The following HDAC7 variants were observed in gnomAD, a reference collection of about 807,000 sequenced individuals.
The protein encoded by HDAC7 is histone deacetylase 7, also known as histone deacetylase 7A.
HDAC7 carries 26 observed loss-of-function variants against 115.5 expected under a neutral mutation model. The ratio of observed to expected loss-of-function variants is 0.23; its 90% CI spans 0.16 to 0.31. HDAC7 has a LOEUF of 0.31. Ranked by LOEUF, HDAC7 falls within the 10% of genes least tolerant of loss-of-function variation. The probability of loss-of-function intolerance (pLI) is 1.00; values close to 1 mark genes in which losing one functional copy is unlikely to be tolerated. For synonymous variants in HDAC7, 564 were observed against 550.9 expected, an observed-to-expected ratio of 1.02 and a Z score of -0.33; for missense variants, 1,068 against 1,329.0, an observed-to-expected ratio of 0.80 and a Z score of 3.05.
chr12:47,801,777 AG>A (rs1372968955), intron 2 of HDAC7, among the ~76,000 whole-genome samples: 1 of 152,176 alleles, frequency 6.6e-6, no homozygotes, highest in Non-Finnish European at 1.5e-5. Flanking sequence ...GGGCCAGCAG[AG>A]GGAGGAGGCG....
intron 1 of HDAC7, among the ~76,000 whole-genome samples, chr12:47,805,216 T>C (rs1423835068): frequency 6.6e-6 from 1 of 151,852 alleles, no homozygotes; most frequent in Non-Finnish European, 1.5e-5. Context: ...GACTACAGTA[T>C]GCACCACGAT....
At chr12:47,796,961 G>A in intron 7 of HDAC7, 56 bp downstream of exon 7, 2 of 1,499,820 alleles carry the variant, frequency 1.3e-6, no homozygotes, top group Non-Finnish European at 1.8e-6. Context: ...TGACCCAAAG[G>A]GACAAGACCA....
rs1175698828 is a variant in HDAC7, at chr12:47,786,519, C to T, written c.2572+66G>A. 1.5e-5 allele frequency: 17 copies of T among 1,137,044 alleles called. No homozygotes were observed. In the East Asian group the frequency reaches 3.8e-4, roughly 25 times the overall value. 70.4% of individuals were successfully genotyped at this position (1,137,044 alleles called of 1,614,324 possible). ...ACCTTCCCTTTCTGACTTGGGAGTG[C>T]CTCCCAACTCCCCGCACCGCCTGGC... is the stretch of plus-strand genomic sequence containing the variant. On this transcript the variant is annotated intron_variant, in intron 22 of 25. Transcript: ENST00000080059.
chr12:47,784,802 C>G, intron 24 of HDAC7: 1 of 1,534,566 alleles, frequency 6.5e-7, no homozygotes, highest in Non-Finnish European at 8.7e-7. Context: ...AGGGCACCCA[C>G]CGTAAGAGGA....
rs373121556 is a variant in HDAC7 at position 47,797,855 on chromosome 12, GGTGTGTGTGTGTGTGTGT to G, written c.461+235_461+252del. ...TCATGTGCAAGAAAAAAGCCAGTAG[GGTGTGTGTGTGTGTGTGT>G]GTGTGTGTGTGTGTGTGTGTGTGAG... On this transcript the variant is annotated intron_variant, in intron 5 of 25. Transcript: ENST00000080059. The surrounding 1 kb of genome is among the most constrained non-coding windows in gnomAD (Gnocchi z 5.5). Among the ~76,000 whole-genome samples the G allele has an allele frequency of 4.0e-5, 5 of 123,876 alleles. No homozygotes were observed. The highest frequency in any genetic ancestry group is 2.2e-4 in the East Asian group (1 of 4,572). 81.3% of individuals were successfully genotyped at this position (123,876 alleles called of 152,430 possible).
chr12:47,785,655 C>A, intron 23 of HDAC7, 97 bp downstream of exon 23: 1 of 1,469,090 alleles, frequency 6.8e-7, no homozygotes, highest in East Asian at 2.5e-5. Context: ...TGGCCACTCC[C>A]ACCCTGTCCC....
rs1943587610 is a variant in HDAC7 at position 47,792,560 on chromosome 12, G to A, written c.1679-556C>T. The A allele has an allele frequency of 6.8e-6, 3 of 441,276 alleles. 1 individual carries two copies. In the Admixed American group the frequency reaches 7.3e-5, roughly 11 times the overall value. The allele number at this position is 441,276 out of a possible 1,614,324, so 27.3% of individuals were successfully genotyped here. On this transcript the variant is annotated intron_variant, in intron 13 of 25. Transcript: ENST00000080059. ...GACCCGTGGGAAGTCTTCAGAGGAG[G>A]GTCCTGCTCATTGCGGGTGGGAGGG...
rs917450474 is a variant in HDAC7 at position 47,797,265 on chromosome 12, T to C, written c.577+119A>G. The C allele has an allele frequency of 1.7e-5, 26 of 1,555,852 alleles. No individual in the cohort carries two copies. Among genetic ancestry groups the C allele is most frequent in the Non-Finnish European group, 2.2e-5 (25 of 1,138,088 alleles). The stretch of plus-strand genomic sequence containing the variant: ...GAAGGCAGAACTAGAAAGAAGATCC[T>C]AGCCTACCGATGATCTCCTGGCCCA... On this transcript the variant is annotated intron_variant, in intron 6 of 25. Transcript: ENST00000080059. The surrounding 1 kb of genome is among the most constrained non-coding windows in gnomAD (Gnocchi z 5.5).
upstream of HDAC7, among the ~76,000 whole-genome samples, chr12:47,820,153 C>T (rs1341937370): frequency 1.3e-5 from 2 of 151,078 alleles, no homozygotes; most frequent in East Asian, 3.9e-4. This position sits in a 1 kb window ranked among gnomAD's most constrained non-coding sequence, Gnocchi z 4.3. Context: ...GCGCCGAACC[C>T]GGAACGCCGG....
intron 16 of HDAC7, 109 bp from the exon 17 acceptor site, chr12:47,790,029 G>C (rs1592638918): frequency 2.6e-6 from 2 of 774,218 alleles, no homozygotes; most frequent in East Asian, 5.1e-5. Flanking sequence ...CAGGGAGCTG[G>C]GCAGACAGTG....
intron 2 of HDAC7, chr12:47,799,248 C>T (rs1944046843): frequency 2.5e-6 from 1 of 397,786 alleles, no homozygotes; most frequent in Non-Finnish European, 4.4e-6. Context: ...AGTGCTCCTC[C>T]ACTAAACATG....
intron 21 of HDAC7, 131 bp from the exon 22 acceptor site, chr12:47,786,834 T>C (rs1322494057): frequency 2.9e-6 from 2 of 681,630 alleles, no homozygotes; most frequent in East Asian, 2.8e-5. Context: ...ACTGGCAGAT[T>C]TCTCTGACCT....
chr12:47,797,893 T>TGTGTGTGTGTGTGTGA lies in HDAC7; in HGVS notation c.461+214_461+215insTCACACACACACACAC, dbSNP rs1555141430. On this transcript the variant is annotated intron_variant, in intron 5 of 25. Transcript: ENST00000080059. The surrounding 1 kb of genome is among the most constrained non-coding windows in gnomAD (Gnocchi z 5.5). Reference sequence around the variant, plus strand: ...GTGTGTGTGTGTGTGTGTGTGTGTGTGTGAGAAGGGCTCAGGTGGGGTGGG... The same window carrying TGTGTGTGTGTGTGTGA: ...GTGTGTGTGTGTGTGTGTGTGTGTGTGTGTGTGTGTGTGTGAGTGAGAAGGGCTCAGGTGGGGTGGG... Among the ~76,000 whole-genome samples the TGTGTGTGTGTGTGTGA allele has an allele frequency of 6.9e-6, 1 of 144,524 alleles. No homozygotes were observed. The highest frequency in any genetic ancestry group is 1.5e-5 in the Non-Finnish European group (1 of 67,154). 94.8% of individuals were successfully genotyped at this position (144,524 alleles called of 152,430 possible).
At chr12:47,786,089 TG>T in intron 22 of HDAC7, 1 of 559,536 alleles carries the variant, frequency 1.8e-6, no homozygotes. Flanking sequence ...TTAAGGGCCT[TG>T]GGAAAGGCCC....
Position 47,803,565 on chromosome 12 carries a change from C to T in HDAC7, c.20-1291G>A, listed in dbSNP as rs1944264139. On this transcript the variant is annotated intron_variant, in intron 1 of 25. Coordinates refer to ENST00000080059, the MANE Select transcript of HDAC7 (RefSeq NM_015401.5). The surrounding 1 kb of genome is among the most constrained non-coding windows in gnomAD (Gnocchi z 4.0). ...CTGAGGTCCAGCCCAAGTCCATCTC[C>T]TTGGGAGGCTCTCCCTGACCTCTCC... Among the ~76,000 whole-genome samples, 1 of 152,154 alleles carries T rather than the reference C, an allele frequency of 6.6e-6. No individual in the cohort carries two copies.
intron 1 of HDAC7, among the ~76,000 whole-genome samples, chr12:47,809,208 G>T (rs1944542444): frequency 1.3e-5 from 2 of 152,080 alleles, no homozygotes; most frequent in South Asian, 4.1e-4. Flanking sequence ...CCCCTCTGAG[G>T]TGTCACACTC....
At chr12:47,811,745 A>AG (rs1219484117) in intron 1 of HDAC7, among the ~76,000 whole-genome samples, 1 of 152,218 alleles carries the variant, frequency 6.6e-6, no homozygotes, top group Non-Finnish European at 1.5e-5. Context: ...ATTAGTCCAC[A>AG]GGGTTTTCAC....
chr12:47,819,721 G>T, intron 1 of HDAC7, 46 bp downstream of exon 1: 1 of 627,368 alleles, frequency 1.6e-6, no homozygotes. Context: ...GGCGACGCTG[G>T]GTGCCGCGCG....
chr12:47,806,513 A>C (rs1347369622), intron 1 of HDAC7, among the ~76,000 whole-genome samples: 2 of 152,162 alleles, frequency 1.3e-5, no homozygotes, highest in Non-Finnish European at 2.9e-5. Context: ...ACATGGTGAA[A>C]TCCCATCTCT....
Sources: gnomAD v4.1 joint callset for allele counts (sites outside exome capture counted in the v4.1 genomes callset) on GRCh38, gnomAD v4.1.1 for gene constraint, Gnocchi (gnomAD v3.1) non-coding constraint, MANE v1.5 for transcripts, NCBI Gene and HGNC (gene_info 2026-07-23, HGNC 2026-07-21) for gene names.